TTC19: variants seen among roughly 807,000 people sequenced by gnomAD.
TTC19 encodes tetratricopeptide repeat domain 19, also known as tetratricopeptide repeat protein 19, mitochondrial.
Under a neutral mutation model 49.5 loss-of-function variants are expected in TTC19, and 38 were observed. That is an observed-to-expected ratio of 0.77 (90% confidence interval 0.59 to 1.01). The LOEUF (loss-of-function observed/expected upper bound fraction) is 1.01. Ranked by LOEUF, TTC19 falls within the 50% of genes least tolerant of loss-of-function variation. The pLI is 0.00. For missense variants in TTC19, 475 were observed against 477.7 expected (o/e 0.99, Z 0.05); for synonymous variants, 204 against 185.2 (o/e 1.10, Z -0.83).
intron 2 of TTC19, among the ~76,000 whole-genome samples, chr17:16,035,139 T>C (rs761695090): frequency 3.3e-5 from 5 of 152,202 alleles, no homozygotes; most frequent in Non-Finnish European, 7.4e-5. Context: ...ACAATTATTT[T>C]GCTGGTGGAT....
At chr17:16,005,414 C>T (rs1970873817) in intron 6 of TTC19, among the ~76,000 whole-genome samples, 1 of 152,136 alleles carries the variant, frequency 6.6e-6, no homozygotes, top group Non-Finnish European at 1.5e-5. Flanking sequence ...CAGAGCAGAA[C>T]AGTAGGGTCA....
At position 16,041,875 on chromosome 17, in the gene TTC19, T is replaced by G. The variant is rs1028837855; in HGVS notation, c.248-2628T>G. On this transcript the variant is annotated intron_variant, in intron 2 of 2. Coordinates refer to the TTC19 transcript ENST00000470649. The stretch of plus-strand genomic sequence containing the variant: ...CCTCAGCCCCCCGAGTGGCTGGGAC[T>G]ACAGGCGCCCGCCACTATGCCTGGC... Among the ~76,000 whole-genome samples the G allele has an allele frequency of 1.8e-4, 27 of 151,936 alleles. No individual in the cohort carries two copies. In the South Asian group the frequency reaches 5.2e-3, roughly 29 times the overall value.
At chr17:16,032,089 G>GTA (rs1158973204), downstream of TTC19, 1 of 530,618 alleles carries the variant, frequency 1.9e-6, no homozygotes, top group Non-Finnish European at 3.2e-6. Flanking sequence ...TGAATTGCCT[G>GTA]TATCAAAGGC....
intron 7 of TTC19, among the ~76,000 whole-genome samples, chr17:16,020,812 A>G (rs1294728728): frequency 6.6e-6 from 1 of 151,954 alleles, no homozygotes; most frequent in Non-Finnish European, 1.5e-5. Flanking sequence ...AATTAGGAGT[A>G]CAGGCACGTG....
downstream of TTC19, among the ~76,000 whole-genome samples, chr17:16,033,296 T>C (rs1018445918): frequency 3.5e-5 from 5 of 143,576 alleles, no homozygotes; most frequent in African/African-American, 8.2e-5. Context: ...GATAGCACCA[T>C]TGCACTCCAG....
intron 6 of TTC19, among the ~76,000 whole-genome samples, chr17:16,004,510 T>C (rs1456580721): frequency 6.6e-6 from 1 of 152,248 alleles, no homozygotes; most frequent in Non-Finnish European, 1.5e-5. Context: ...AGTTTTCTGT[T>C]GCTGCTTGAA....
intron 7 of TTC19, among the ~76,000 whole-genome samples, chr17:16,014,482 TCTAA>T (rs1047803958): frequency 3.9e-5 from 6 of 152,240 alleles, no homozygotes; most frequent in Non-Finnish European, 7.3e-5. Context: ...TAAATTTGAT[TCTAA>T]CTGACTCCTT....
At chr17:16,004,001 C>T in intron 5 of TTC19, 114 bp downstream of exon 5, 1 of 1,240,692 alleles carries the variant, frequency 8.1e-7, no homozygotes, top group Non-Finnish European at 1.2e-6. Context: ...GGTGGAGTTT[C>T]CCTTCTGAGA....
chr17:16,018,887 C>T (rs1273981741), intron 7 of TTC19, among the ~76,000 whole-genome samples: 1 of 152,180 alleles, frequency 6.6e-6, no homozygotes, highest in Non-Finnish European at 1.5e-5. Flanking sequence ...TGTGTACTTT[C>T]AGCCTTGGCC....
chr17:16,031,921 C>T (rs144012237), downstream of TTC19: 249 of 251,802 alleles, frequency 9.9e-4, no homozygotes, highest in East Asian at 0.013. Context: ...CATAAGTACA[C>T]CAGATACTAC....
At chr17:16,004,378 CA>C in intron 6 of TTC19, 116 bp downstream of exon 6, 1 of 942,616 alleles carries the variant, frequency 1.1e-6, no homozygotes, top group Non-Finnish European at 1.7e-6. Context: ...GTGTCACACT[CA>C]AAGTGTTCCA....
chr17:16,000,158 G>A lies in TTC19; in HGVS notation c.225G>A (p.Glu75=). 1 of 1,587,968 alleles carries A rather than the reference G, an allele frequency of 6.3e-7. No homozygotes were observed. Reference sequence around the variant, plus strand: ...CGAGGCCCGCTGCGGCAGAGGAGGAGGAGCAGCAGGGAGCCGACGGGGCCG... The same window carrying A: ...CGAGGCCCGCTGCGGCAGAGGAGGAAGAGCAGCAGGGAGCCGACGGGGCCG... ...WFSRPAAAEE[E]EQQGADGAAA... Residue 75 remains glutamate, a synonymous_variant, in exon 2 of 10, where the codon GAG becomes GAA. Coordinates refer to ENST00000261647, the MANE Select transcript of TTC19 (RefSeq NM_017775.4).
chr17:16,003,043 C>T (rs951015863), intron 4 of TTC19, among the ~76,000 whole-genome samples: 8 of 152,126 alleles, frequency 5.3e-5, no homozygotes, highest in Non-Finnish European at 1.0e-4. Context: ...GCTCTCTGAT[C>T]CAGAAGTCCA....
chr17:16,002,042 G>T lies in TTC19; in HGVS notation c.423+17G>T, dbSNP rs778079186. On this transcript the variant is annotated intron_variant, in intron 3 of 9. Coordinates refer to ENST00000261647, the MANE Select transcript of TTC19 (RefSeq NM_017775.4). ...TATGATTTGGTAACTCTTATAACCAGTCTGAACCACTGATGAGGAAGGTTG... is the reference window on the plus strand; with the variant it reads ...TATGATTTGGTAACTCTTATAACCATTCTGAACCACTGATGAGGAAGGTTG... 1.3e-6 allele frequency: 2 copies of T among 1,553,284 alleles called. No individual in the cohort carries two copies. Among genetic ancestry groups the T allele is most frequent in the Non-Finnish European group, 1.8e-6 (2 of 1,128,470 alleles).
intron 7 of TTC19, among the ~76,000 whole-genome samples, chr17:16,010,174 T>A (rs1338758532): frequency 2.9e-5 from 4 of 138,122 alleles, no homozygotes; most frequent in Non-Finnish European, 6.2e-5. Flanking sequence ...TTAATTTTTT[T>A]TTTTTTTTTT....
chr17:16,005,685 C>A (rs777031235), intron 6 of TTC19, among the ~76,000 whole-genome samples: 17 of 152,054 alleles, frequency 1.1e-4, no homozygotes, highest in Admixed American at 2.6e-4. Context: ...GCTAGGAGTC[C>A]CATTTCTGCA....
intron 7 of TTC19, 147 bp from the exon 8 acceptor site, chr17:16,024,870 C>T: frequency 1.4e-6 from 1 of 730,084 alleles, no homozygotes; most frequent in Non-Finnish European, 2.4e-6. Context: ...TCCATGATTC[C>T]AGCTAGTCTG....
chr17:16,026,868 C>A, intron 9 of TTC19, 166 bp downstream of exon 9: 1 of 760,024 alleles, frequency 1.3e-6, no homozygotes, highest in South Asian at 1.6e-5. Context: ...GGTTGAAGTA[C>A]TATTGTGTTC....
At chr17:16,007,439 A>AGTTTTTT (rs79731557) in intron 7 of TTC19, among the ~76,000 whole-genome samples, 1 of 151,454 alleles carries the variant, frequency 6.6e-6, no homozygotes, top group East Asian at 1.9e-4. Flanking sequence ...CTCAGCATAC[A>AGTTTTTT]GTTTTTTGTT....
Sources: allele counts gnomAD v4.1 joint callset (sites outside exome capture counted in the v4.1 genomes callset), GRCh38; gene constraint gnomAD v4.1.1; transcripts MANE v1.5; gene names NCBI Gene and HGNC (gene_info 2026-07-23, HGNC 2026-07-21).